Variants in COL24A1 observed in about 807,000 individuals in gnomAD.
The protein encoded by COL24A1 is collagen type XXIV alpha 1 chain.
Under a neutral mutation model 253.9 loss-of-function variants are expected in COL24A1, and 224 were observed. The observed-to-expected ratio is 0.88, with a 90% CI of 0.79 to 0.99. The LOEUF is 0.99. COL24A1 is among the 50% of genes least tolerant of loss of function. COL24A1 has a pLI of 0.00. For synonymous variants in COL24A1, 685 were observed against 673.7 expected (o/e 1.02, Z -0.26); for missense variants, 2,131 against 2,068.5 (o/e 1.03, Z -0.59).
intron 53 of COL24A1, among the ~76,000 whole-genome samples, chr1:85,774,011 C>G (rs1668262222): frequency 6.6e-6 from 1 of 152,074 alleles, no homozygotes; most frequent in Non-Finnish European, 1.5e-5. Flanking sequence ...GTGGGTTTGT[C>G]ATAAATAGCT....
chr1:86,027,112 T>C (rs1698103813), intron 14 of COL24A1, among the ~76,000 whole-genome samples: 1 of 152,158 alleles, frequency 6.6e-6, no homozygotes, highest in Non-Finnish European at 1.5e-5. Flanking sequence ...GCATTCAGTT[T>C]TATGCATTCA....
chr1:85,799,615 T>G (rs1671220845), intron 47 of COL24A1, among the ~76,000 whole-genome samples: 1 of 152,210 alleles, frequency 6.6e-6, no homozygotes, highest in Non-Finnish European at 1.5e-5. Context: ...TAAAGCACTA[T>G]AATTCTAATT....
intron 20 of COL24A1, among the ~76,000 whole-genome samples, chr1:85,981,620 T>C (rs1163514946): frequency 6.6e-6 from 1 of 151,388 alleles, no homozygotes. Context: ...CAAAAGCAAA[T>C]GCAACAAAAA....
At chr1:85,998,976 T>C (rs368838548) in intron 19 of COL24A1, among the ~76,000 whole-genome samples, 4 of 152,210 alleles carry the variant, frequency 2.6e-5, no homozygotes, top group East Asian at 3.8e-4. Context: ...ACCAGAATCA[T>C]TGAAACTGTC....
chr1:85,889,695 G>T, intron 31 of COL24A1, 82 bp from the exon 32 acceptor site: 2 of 1,221,486 alleles, frequency 1.6e-6, no homozygotes, highest in East Asian at 2.4e-5. Context: ...GCTTTCCTAT[G>T]GATCCTTCCA....
intron 24 of COL24A1, among the ~76,000 whole-genome samples, chr1:85,918,163 G>A (rs965339904): frequency 2.1e-5 from 3 of 146,220 alleles, no homozygotes; most frequent in Admixed American, 6.9e-5. Flanking sequence ...TGTATTTTCT[G>A]GATCTTGTTT....
intron 5 of COL24A1, among the ~76,000 whole-genome samples, chr1:86,106,908 G>A (rs1313552660): frequency 6.6e-6 from 1 of 152,108 alleles, no homozygotes. Flanking sequence ...AAATTTGTGT[G>A]TGGCACTTTA....
At position 85,741,751 on chromosome 1, in the gene COL24A1, T is replaced by G. The variant is rs17128165; in HGVS notation, c.4672+2915A>C. 9.3e-3 allele frequency among the ~76,000 whole-genome samples: 1,419 copies of G among 152,342 alleles called. 57 individuals are homozygous for G. The highest frequency in any genetic ancestry group is 0.063 in the Admixed American group (956 of 15,288). On this transcript the variant is annotated intron_variant, in intron 57 of 59. Coordinates refer to ENST00000370571, the MANE Select transcript of COL24A1 (RefSeq NM_152890.7). ...TATGCTTTTAACTTAAAAAATTAAT[T>G]TAGCCAGGTAATATGAATTATGTGC... is the stretch of plus-strand genomic sequence containing the variant.
intron 7 of COL24A1, among the ~76,000 whole-genome samples, chr1:86,086,361 T>C (rs1390600177): frequency 1.3e-5 from 2 of 152,158 alleles, no homozygotes; most frequent in Non-Finnish European, 2.9e-5. Flanking sequence ...TGCATGCACA[T>C]GTCCCTGACC....
At chr1:86,062,796 G>A (rs557438948) in intron 8 of COL24A1, among the ~76,000 whole-genome samples, 10 of 152,212 alleles carry the variant, frequency 6.6e-5, no homozygotes, top group Admixed American at 6.5e-4. Context: ...CGCTTGCCAT[G>A]TCTAGTAATT....
Position 85,961,242 on chromosome 1 carries a change from A to G in COL24A1, c.2562+7T>C. ...GATTAAAAAATAAGAGCATAAAATA[A>G]GCTTACTGTTTCACCAATTTTTCCA... On this transcript the variant is annotated splice_region_variant and intron_variant, in intron 24 of 59. Coordinates refer to ENST00000370571, the MANE Select transcript of COL24A1 (RefSeq NM_152890.7). The G allele has an allele frequency of 6.3e-7, 1 of 1,584,044 alleles. No homozygotes were observed. The highest frequency in any genetic ancestry group is 8.7e-7 in the Non-Finnish European group (1 of 1,153,746).
chr1:85,812,174 C>T (rs1043635448), intron 47 of COL24A1, among the ~76,000 whole-genome samples: 8 of 152,142 alleles, frequency 5.3e-5, no homozygotes, highest in African/African-American at 1.4e-4. Flanking sequence ...GAATGTATAC[C>T]GCAGCACTCT....
intron 43 of COL24A1, among the ~76,000 whole-genome samples, chr1:85,827,730 C>T (rs1674577344): frequency 6.6e-6 from 1 of 151,940 alleles, no homozygotes; most frequent in African/African-American, 2.4e-5. Context: ...TTGTAGTATT[C>T]TCTGATGGTA....
At chr1:86,085,175 C>T (rs1463352658) in intron 7 of COL24A1, among the ~76,000 whole-genome samples, 1 of 152,084 alleles carries the variant, frequency 6.6e-6, no homozygotes, top group Non-Finnish European at 1.5e-5. Context: ...GAACTGCATA[C>T]TTTTGGGGTG....
chr1:85,772,387 A>G (rs1220706437), intron 53 of COL24A1, among the ~76,000 whole-genome samples: 2 of 151,848 alleles, frequency 1.3e-5, no homozygotes, highest in African/African-American at 2.4e-5. Flanking sequence ...ACCATTGTGG[A>G]AGTCAGTGTG....
intron 2 of COL24A1, among the ~76,000 whole-genome samples, chr1:86,133,257 A>G (rs1368127310): frequency 6.6e-6 from 1 of 152,048 alleles, no homozygotes; most frequent in Admixed American, 6.6e-5. Flanking sequence ...TGGGGCTGAG[A>G]CGATGGGGTT....
intron 19 of COL24A1, 45 bp downstream of exon 19, chr1:86,017,106 C>T: frequency 6.6e-7 from 1 of 1,514,490 alleles, no homozygotes. Flanking sequence ...AGTTTAATTT[C>T]CACCATTTTG....
At chr1:85,742,672 G>A (rs759585032) in intron 57 of COL24A1, among the ~76,000 whole-genome samples, 2 of 151,530 alleles carry the variant, frequency 1.3e-5, no homozygotes, top group Admixed American at 6.6e-5. Context: ...TGCATCTCCT[G>A]TTAACAACAT....
chr1:86,077,154 C>T (rs1571846435), intron 7 of COL24A1, among the ~76,000 whole-genome samples: 1 of 152,084 alleles, frequency 6.6e-6, no homozygotes, highest in Admixed American at 6.6e-5. Flanking sequence ...AAGAAGAAAA[C>T]AGACAACTCC....
Sources: allele counts gnomAD v4.1 joint callset (sites outside exome capture counted in the v4.1 genomes callset), GRCh38; gene constraint gnomAD v4.1.1; transcripts MANE v1.5; gene names NCBI Gene and HGNC (gene_info 2026-07-23, HGNC 2026-07-21).